Variants in FUBP3 observed in about 807,000 individuals in gnomAD.
FUBP3 encodes far upstream element binding protein 3.
A neutral mutation model predicts 85.6 loss-of-function variants in FUBP3; 28 were observed. The observed-to-expected ratio is 0.33, with a 90% CI of 0.24 to 0.45. The LOEUF (loss-of-function observed/expected upper bound fraction) is 0.45. Among genes scored for constraint, FUBP3 ranks in the 20% least tolerant of loss-of-function variants. The probability of loss-of-function intolerance (pLI) is 1.00; values close to 1 mark genes in which losing one functional copy is unlikely to be tolerated. For missense variants in FUBP3, 583 were observed against 755.1 expected (o/e 0.77, Z 2.67); for synonymous variants, 271 against 271.4 (o/e 1.00, Z 0.01).
chr9:130,592,601 A>G (rs1830676855), intron 1 of FUBP3, among the ~76,000 whole-genome samples: 1 of 152,124 alleles, frequency 6.6e-6, no homozygotes, highest in African/African-American at 2.4e-5. Flanking sequence ...GCTGGAGTTC[A>G]GTGGCTCGAT....
intron 1 of FUBP3, among the ~76,000 whole-genome samples, chr9:130,585,349 T>G (rs193090122): frequency 7.6e-4 from 116 of 152,326 alleles, no homozygotes; most frequent in Non-Finnish European, 1.3e-3. Flanking sequence ...GATGCCTAAT[T>G]GACAGTTTTT....
Position 130,637,164 on chromosome 9 carries a change from T to G in FUBP3, c.*142T>G. 1.4e-6 allele frequency: 1 copy of G among 692,784 alleles called. No individual in the cohort carries two copies. The highest frequency in any genetic ancestry group is 2.5e-6 in the Non-Finnish European group (1 of 399,822). 42.9% of individuals were successfully genotyped at this position (692,784 alleles called of 1,614,324 possible). On this transcript the variant is annotated 3_prime_UTR_variant, in exon 19 of 19. Coordinates refer to ENST00000319725, the MANE Select transcript of FUBP3 (RefSeq NM_003934.2). ...AAACACTATATTTAGATTAACGGAA[T>G]TTTTCTAAAAATCAGGAAAATTAGT...
chr9:130,635,073 G>A lies in FUBP3; in HGVS notation c.1582+335G>A, dbSNP rs188178204. Among the ~76,000 whole-genome samples the A allele has an allele frequency of 2.8e-4, 42 of 152,248 alleles. 1 individual carries two copies. The East Asian group carries it at 6.2e-3, about 22-fold the overall frequency. ...GTCTCCTTAGGGACTGAAAGATTCCGGCTGGGTGCCACCTGGCCGGCAAAC... is the reference window on the plus strand; with the variant it reads ...GTCTCCTTAGGGACTGAAAGATTCCAGCTGGGTGCCACCTGGCCGGCAAAC... On this transcript the variant is annotated intron_variant, in intron 17 of 18. Coordinates refer to ENST00000319725, the MANE Select transcript of FUBP3 (RefSeq NM_003934.2). The surrounding 1 kb of genome is among the most constrained non-coding windows in gnomAD (Gnocchi z 4.3).
chr9:130,589,705 A>ATATATTTTTTTT (rs1414691549), intron 1 of FUBP3, among the ~76,000 whole-genome samples: 8 of 73,820 alleles, frequency 1.1e-4, no homozygotes, highest in African/African-American at 5.4e-4. Flanking sequence ...ATATATATAT[A>ATATATTTTTTTT]TTTTTTTTTT....
Position 130,636,069 on chromosome 9 carries a change from C to T in FUBP3, c.1653C>T (p.Tyr551=). Residue 551 remains tyrosine (Y), a synonymous_variant, in exon 18 of 19, where the codon TAC becomes TAT. Coordinates refer to ENST00000319725, the MANE Select transcript of FUBP3 (RefSeq NM_003934.2). Reference sequence around the variant, plus strand: ...ACACAATGGCCTGGGCAGAATATTACAGACAGCAGGTCGCTTTCTACGGAC... The same window carrying T: ...ACACAATGGCCTGGGCAGAATATTATAGACAGCAGGTCGCTTTCTACGGAC... ...PDYTMAWAEY[Y]RQQVAFYGQT... 1 of 1,613,774 alleles carries T rather than the reference C, an allele frequency of 6.2e-7. No individual in the cohort carries two copies. The highest frequency in any genetic ancestry group is 8.5e-7 in the Non-Finnish European group (1 of 1,179,790).
chr9:130,635,584 C>T lies in FUBP3; in HGVS notation c.1583-415C>T. 6.6e-6 allele frequency among the ~76,000 whole-genome samples: 1 copy of T among 152,148 alleles called. No homozygotes were observed. The highest frequency in any genetic ancestry group is 1.5e-5 in the Non-Finnish European group (1 of 68,028). The stretch of plus-strand genomic sequence containing the variant: ...GCCCAGTCTTCCCCAAATCCCAATT[C>T]CCAGACCCCTGGGCCTGTGTTGAAG... On this transcript the variant is annotated intron_variant, in intron 17 of 18. Coordinates refer to ENST00000319725, the MANE Select transcript of FUBP3 (RefSeq NM_003934.2). This position sits in a 1 kb window ranked among gnomAD's most constrained non-coding sequence, Gnocchi z 4.3.
rs138986229 is a variant in FUBP3 at position 130,624,609 on chromosome 9, T to TTGTGTGTGTGTG, written c.975+930_975+941dup. On this transcript the variant is annotated intron_variant, in intron 11 of 18. Transcript: ENST00000319725. ...AACTTTCTTAAAATGTTACAAGATT[T>TTGTGTGTGTGTG]TGTGTGTGTGTGTGTGTGTGTGTGT... 5.2e-4 allele frequency among the ~76,000 whole-genome samples: 75 copies of TTGTGTGTGTGTG among 143,970 alleles called. 1 individual carries two copies. The East Asian group carries it at 8.8e-3, about 17-fold the overall frequency. 94.4% of individuals were successfully genotyped at this position (143,970 alleles called of 152,430 possible).
At chr9:130,609,864 C>T in intron 2 of FUBP3, 90 bp from the exon 3 acceptor site, 2 of 996,752 alleles carry the variant, frequency 2.0e-6, no homozygotes, top group South Asian at 2.6e-5. Flanking sequence ...TTCTTTTCCA[C>T]CCCACCCGAA....
rs1830177837 is a variant in FUBP3, at chr9:130,630,741, C to T, written c.1231C>T (p.Pro411Ser). The change falls in exon 13 of 19, where the codon CCC becomes TCC. Residue 411 changes from proline to serine, a missense_variant. By Grantham distance (74) the Pro-to-Ser change is moderately conservative (BLOSUM62 -1). Coordinates refer to ENST00000319725, the MANE Select transcript of FUBP3 (RefSeq NM_003934.2). ...NLRRFTIRGV[P>S]QQIEVARQLI... ...GCGGAGATTCACCATCAGGGGGGTT[C>T]CCCAGCAGATCGAGGTGGCCAGGCA... 1 of 1,564,964 alleles carries T rather than the reference C, an allele frequency of 6.4e-7. No homozygotes were observed. Among genetic ancestry groups the T allele is most frequent in the Non-Finnish European group, 8.6e-7 (1 of 1,157,210 alleles).
chr9:130,620,867 A>C, intron 9 of FUBP3, among the ~76,000 whole-genome samples: 1 of 152,230 alleles, frequency 6.6e-6, no homozygotes, highest in East Asian at 1.9e-4. Context: ...TGAACCTTAC[A>C]AACAGTATGC....
chr9:130,596,284 G>A (rs1236420552), intron 2 of FUBP3, among the ~76,000 whole-genome samples: 2 of 152,108 alleles, frequency 1.3e-5, no homozygotes, highest in Non-Finnish European at 2.9e-5. Context: ...AGATTGACAT[G>A]AATTTGCATG....
chr9:130,619,551 A>C (rs1055378569), intron 8 of FUBP3, among the ~76,000 whole-genome samples: 6 of 152,220 alleles, frequency 3.9e-5, no homozygotes, highest in African/African-American at 1.4e-4. Flanking sequence ...GATTTCTGCA[A>C]ATGTCCTAAG....
intron 1 of FUBP3, chr9:130,581,685 T>C (rs1830135921): frequency 6.6e-6 from 1 of 152,214 alleles, no homozygotes; most frequent in Non-Finnish European, 1.5e-5. Context: ...GTTACAGAGA[T>C]GTGATTTTTC....
At chr9:130,628,413 C>T (rs1830079567) in intron 12 of FUBP3, among the ~76,000 whole-genome samples, 2 of 152,236 alleles carry the variant, frequency 1.3e-5, no homozygotes, top group African/African-American at 4.8e-5. Context: ...TTCTGCCCCC[C>T]ATCAGGTAGA....
rs189589424 is a variant in FUBP3 at position 130,587,210 on chromosome 9, G to C, written c.84+7446G>C. On this transcript the variant is annotated intron_variant, in intron 1 of 18. Coordinates refer to ENST00000319725, the MANE Select transcript of FUBP3 (RefSeq NM_003934.2). ...CTCCCAAGTAGCTGGGACTGCAGGC[G>C]TGCACCATCACGCCTAGCTAATTTT... 3.2e-4 allele frequency among the ~76,000 whole-genome samples: 48 copies of C among 152,010 alleles called. No individual in the cohort carries two copies. The East Asian group carries it at 8.7e-3, about 28-fold the overall frequency.
intron 12 of FUBP3, among the ~76,000 whole-genome samples, chr9:130,629,246 C>T (rs1830116063): frequency 6.6e-6 from 1 of 152,232 alleles, no homozygotes; most frequent in South Asian, 2.1e-4. Flanking sequence ...TGTCCCCAGA[C>T]AGGCGGGTCT....
intron 2 of FUBP3, among the ~76,000 whole-genome samples, chr9:130,601,024 C>T (rs985216410): frequency 1.6e-4 from 24 of 152,218 alleles, no homozygotes; most frequent in Admixed American, 2.6e-4. Context: ...TACTAAGCTA[C>T]GCTATTGGAG....
chr9:130,589,705 A>ATTTT lies in FUBP3; in HGVS notation c.85-5758_85-5755dup, dbSNP rs779633795. Among the ~76,000 whole-genome samples the ATTTT allele has an allele frequency of 9.5e-4, 70 of 73,802 alleles. 2 individuals carry two copies. Among genetic ancestry groups the ATTTT allele is most frequent in the South Asian group, 2.4e-3 (5 of 2,120 alleles). 48.4% of individuals were successfully genotyped at this position (73,802 alleles called of 152,430 possible). A position where few individuals can be genotyped will look rare whatever the true frequency, so the allele number is the denominator to read the frequency against. On this transcript the variant is annotated intron_variant, in intron 1 of 18. Transcript: ENST00000319725. ...TATATATATATATATATATATATAT[A>ATTTT]TTTTTTTTTTTTTTTTTTTTTTTAA...
chr9:130,610,848 A>T (rs985902227), intron 3 of FUBP3, among the ~76,000 whole-genome samples: 1 of 151,956 alleles, frequency 6.6e-6, no homozygotes, highest in Non-Finnish European at 1.5e-5. Flanking sequence ...GGTTGTTGTT[A>T]TTGTTGTTTC....
Sources: gnomAD v4.1 joint callset for allele counts (sites outside exome capture counted in the v4.1 genomes callset) on GRCh38, gnomAD v4.1.1 for gene constraint, Gnocchi (gnomAD v3.1) non-coding constraint, MANE v1.5 for transcripts, NCBI Gene and HGNC (gene_info 2026-07-23, HGNC 2026-07-21) for gene names.